Variants in ABCC9 observed in about 807,000 individuals in gnomAD.
ABCC9 encodes the protein ATP-binding cassette sub-family C member 9.
In ABCC9, 95 loss-of-function variants were observed where a neutral mutation model predicts 188.3. That is an observed-to-expected ratio of 0.50 (90% CI 0.43 to 0.60). The LOEUF is 0.60. ABCC9 is among the 20% of genes least tolerant of loss of function. The pLI, the probability that ABCC9 is intolerant of heterozygous loss-of-function variation, is 0.00. For synonymous variants in ABCC9, 659 were observed against 652.7 expected, an observed-to-expected ratio of 1.01 and a Z score of -0.15; for missense variants, 1,102 against 1,876.3, an observed-to-expected ratio of 0.59 and a Z score of 7.62.
intron 31 of ABCC9, among the ~76,000 whole-genome samples, chr12:21,824,572 G>A (rs1943252397): frequency 6.6e-6 from 1 of 152,156 alleles, no homozygotes; most frequent in South Asian, 2.1e-4. Flanking sequence ...AATGATACCA[G>A]CATCTCTTTG....
At chr12:21,827,629 G>A (rs572779172) in intron 31 of ABCC9, among the ~76,000 whole-genome samples, 4 of 151,612 alleles carry the variant, frequency 2.6e-5, no homozygotes, top group African/African-American at 7.3e-5. Context: ...TTTGTATAGG[G>A]TTTGGGAATA....
chr12:21,858,968 A>G (rs769991957), intron 22 of ABCC9, among the ~76,000 whole-genome samples: 4 of 152,236 alleles, frequency 2.6e-5, no homozygotes, highest in Non-Finnish European at 5.9e-5. Context: ...GACCAAAATT[A>G]TAATCAACAT....
chr12:21,908,203 C>T lies in ABCC9; in HGVS notation c.1329G>A (p.Met443Ile), dbSNP rs151197166. 6.2e-6 allele frequency: 10 copies of T among 1,612,272 alleles called. No homozygotes were observed. In the African/African-American group the frequency reaches 1.2e-4, roughly 19 times the overall value. The change falls in exon 11 of 40, where the codon ATG (methionine) becomes ATA (isoleucine). Residue 443 changes from methionine to isoleucine, a missense_variant. Physicochemically the swap from Met to Ile is conservative, Grantham distance 10 (BLOSUM62 1). Transcript: ENST00000261200. ...NLWAMPVQII[M>I]GVILLYNLLG... ...GTAAATTATAGAGCAGAATCACGCC[C>T]ATTATGATCTAGAGAGAAAAACACA...
chr12:21,830,959 C>T (rs1565713202), intron 30 of ABCC9: 1 of 137,958 alleles, frequency 7.2e-6, no homozygotes, highest in Non-Finnish European at 1.6e-5. Context: ...AAACAATGAA[C>T]ATGAACCATA....
chr12:21,893,044 G>T (rs1018851189), intron 14 of ABCC9, among the ~76,000 whole-genome samples: 3 of 152,044 alleles, frequency 2.0e-5, no homozygotes, highest in African/African-American at 7.2e-5. Flanking sequence ...GGTTTTATAG[G>T]TTTATAAAGA....
At chr12:21,818,023 C>T (rs538179431) in intron 32 of ABCC9, 127 bp downstream of exon 32, 2 of 718,810 alleles carry the variant, frequency 2.8e-6, no homozygotes, top group African/African-American at 1.7e-5. Flanking sequence ...CCCCACCCCC[C>T]AATAGGCCCT....
Position 21,912,921 on chromosome 12 carries a change from A to G in ABCC9, c.962T>C (p.Ile321Thr), listed in dbSNP as rs1455467865. ...CTGGGTTTCATTCACACGCTGAACT[A>G]TTCCAGAAATACAAAGAGGTCCAGC... ...GFAGPLCISG[I>T]VQRVNETQNG... is the part of the protein sequence containing the mutation. The change falls in exon 8 of 40, where the codon ATA becomes ACA. Residue 321 changes from isoleucine to threonine, a missense_variant. By Grantham distance (89) the Ile-to-Thr change is moderately conservative. Transcript: ENST00000261200. 6.2e-7 allele frequency: 1 copy of G among 1,613,658 alleles called. No homozygotes were observed. The highest frequency in any genetic ancestry group is 8.5e-7 in the Non-Finnish European group (1 of 1,179,722).
At chr12:21,810,070 C>A in intron 36 of ABCC9, 115 bp from the exon 37 acceptor site, 1 of 717,112 alleles carries the variant, frequency 1.4e-6, no homozygotes, top group Non-Finnish European at 2.4e-6. Flanking sequence ...TTGGTTACTG[C>A]TGTATATTCA....
At chr12:21,870,827 A>G (rs1201486000) in intron 18 of ABCC9, among the ~76,000 whole-genome samples, 2 of 152,236 alleles carry the variant, frequency 1.3e-5, no homozygotes, top group Admixed American at 6.5e-5. Context: ...ATGAAATAAG[A>G]TACAATATAA....
chr12:21,800,871 A>G lies in ABCC9; in HGVS notation c.*173T>C, dbSNP rs947970608. 5.7e-6 allele frequency: 4 copies of G among 701,672 alleles called. No homozygotes were observed. The highest frequency in any genetic ancestry group is 9.4e-6 in the Non-Finnish European group (4 of 424,576). 43.5% of individuals were successfully genotyped at this position (701,672 alleles called of 1,614,324 possible). On this transcript the variant is annotated 3_prime_UTR_variant, in exon 40 of 40. Transcript: ENST00000261200. ...TAAAAACATCAATAATGAACATATT[A>G]AGCAATAATATCTTGAAAAACTGTT...
At chr12:21,880,310 C>T (rs569701749) in intron 16 of ABCC9, among the ~76,000 whole-genome samples, 8 of 152,092 alleles carry the variant, frequency 5.3e-5, no homozygotes, top group Admixed American at 2.0e-4. Context: ...TAATATGGAA[C>T]GTCTTCATGG....
intron 3 of ABCC9, 41 bp from the exon 4 acceptor site, chr12:21,933,964 C>T (rs1050846286): frequency 1.8e-5 from 29 of 1,610,786 alleles, no homozygotes; most frequent in African/African-American, 1.3e-4. Flanking sequence ...AGACATAAAC[C>T]GAAGGCTCAA....
intron 5 of ABCC9, chr12:21,923,604 T>C: frequency 1.9e-6 from 1 of 529,652 alleles, no homozygotes; most frequent in Non-Finnish European, 3.4e-6. Flanking sequence ...CCCACTAGCA[T>C]GACTAAATTA....
intron 3 of ABCC9, 32 bp downstream of exon 3, chr12:21,936,501 A>C: frequency 1.3e-6 from 2 of 1,568,524 alleles, no homozygotes; most frequent in Non-Finnish European, 1.8e-6. Context: ...ATAAACATCA[A>C]ATGGTATAAC....
chr12:21,804,453 T>C (rs1337203339), intron 39 of ABCC9, among the ~76,000 whole-genome samples: 1 of 152,196 alleles, frequency 6.6e-6, no homozygotes, highest in Admixed American at 6.5e-5. Flanking sequence ...TTCCAAAATA[T>C]CTCCCTACCT....
chr12:21,893,890 A>C, intron 14 of ABCC9, 142 bp downstream of exon 14: 2 of 866,016 alleles, frequency 2.3e-6, no homozygotes, highest in Non-Finnish European at 3.4e-6. Context: ...AAAGACTGAA[A>C]AGTAGCATAC....
At chr12:21,891,766 C>T (rs1947171398) in intron 14 of ABCC9, among the ~76,000 whole-genome samples, 1 of 152,134 alleles carries the variant, frequency 6.6e-6, no homozygotes, top group Admixed American at 6.6e-5. Flanking sequence ...TTTAGAATTT[C>T]CACAGTTCCT....
chr12:21,897,970 C>A (rs1947505747), intron 12 of ABCC9, among the ~76,000 whole-genome samples: 1 of 152,100 alleles, frequency 6.6e-6, no homozygotes, highest in Non-Finnish European at 1.5e-5. Flanking sequence ...TACCTAAGTT[C>A]TTTATATGTC....
At chr12:21,906,085 T>C in intron 12 of ABCC9, 41 bp downstream of exon 12, 1 of 1,592,014 alleles carries the variant, frequency 6.3e-7, no homozygotes, top group Non-Finnish European at 8.6e-7. Flanking sequence ...TTATTCTGGT[T>C]GCCCTTAAAG....
Sources: gnomAD v4.1 joint callset for allele counts (sites outside exome capture counted in the v4.1 genomes callset) on GRCh38, gnomAD v4.1.1 for gene constraint, MANE v1.5 for transcripts, NCBI Gene and HGNC (gene_info 2026-07-23, HGNC 2026-07-21) for gene names.